Variants in VGLL4 observed in about 807,000 individuals in gnomAD.
VGLL4 encodes transcription cofactor vestigial-like protein 4.
A neutral mutation model predicts 21.0 loss-of-function variants in VGLL4; 7 were observed. That is an observed-to-expected ratio of 0.33 (90% CI 0.19 to 0.63). The LOEUF is 0.63. Ranked by LOEUF, VGLL4 falls within the 20% of genes least tolerant of loss-of-function variation. The probability of loss-of-function intolerance (pLI) is 0.78; values close to 1 mark genes in which losing one functional copy is unlikely to be tolerated. For missense variants in VGLL4, 394 were observed against 425.7 expected, an observed-to-expected ratio of 0.93 and a Z score of 0.66; for synonymous variants, 222 against 173.2, an observed-to-expected ratio of 1.28 and a Z score of -2.21.
intron 2 of VGLL4, among the ~76,000 whole-genome samples, chr3:11,673,064 AC>A (rs2076240144): frequency 1.3e-5 from 2 of 152,134 alleles, no homozygotes; most frequent in African/African-American, 4.8e-5. Flanking sequence ...AGATCACCCA[AC>A]ATTGGGGCTC....
At position 11,653,912 on chromosome 3, in the gene VGLL4, C is replaced by T. The variant is rs527556049; in HGVS notation, c.64+49059G>A. 2.9e-3 allele frequency among the ~76,000 whole-genome samples: 446 copies of T among 151,928 alleles called. 2 individuals are homozygous for T. Among genetic ancestry groups the T allele is most frequent in the African/African-American group, 0.01 (426 of 41,398 alleles). On this transcript the variant is annotated intron_variant, in intron 2 of 5. Transcript: ENST00000273038. This position sits in a 1 kb window ranked among gnomAD's most constrained non-coding sequence, Gnocchi z 4.2. ...AGCAGGCAGAGGGATAGAATTCACC[C>T]GAGACAACACAGAGGGAAGGGCCCC...
intron 2 of VGLL4, among the ~76,000 whole-genome samples, chr3:11,589,718 T>A (rs1451713313): frequency 6.6e-6 from 1 of 152,224 alleles, no homozygotes; most frequent in African/African-American, 2.4e-5. Context: ...GACGCCAGCA[T>A]GGTTGGTGAC....
At chr3:11,566,125 C>G (rs1279951978) in intron 2 of VGLL4, among the ~76,000 whole-genome samples, 1 of 152,242 alleles carries the variant, frequency 6.6e-6, no homozygotes, top group African/African-American at 2.4e-5. Context: ...CAGCCCCCGT[C>G]CCGGACTGGC....
intron 1 of VGLL4, among the ~76,000 whole-genome samples, chr3:11,642,593 G>GCAGA (rs1213959584): frequency 6.6e-6 from 1 of 152,238 alleles, no homozygotes; most frequent in Non-Finnish European, 1.5e-5. Flanking sequence ...GCCCTCGGCG[G>GCAGA]CAGACCCAGG....
intron 2 of VGLL4, among the ~76,000 whole-genome samples, chr3:11,661,133 A>G (rs564753227): frequency 8.5e-5 from 13 of 152,298 alleles, no homozygotes; most frequent in African/African-American, 3.1e-4. Context: ...AAATGCCCTC[A>G]GGATGGAGGG....
chr3:11,592,872 A>C (rs1276406641), intron 2 of VGLL4, among the ~76,000 whole-genome samples: 2 of 152,198 alleles, frequency 1.3e-5, no homozygotes, highest in Non-Finnish European at 2.9e-5. Context: ...CACGCAGCAC[A>C]GTGCCAGCGC....
rs1261149607 is a variant in VGLL4, at chr3:11,558,403, A to G, written c.*153T>C. 6 of 1,285,682 alleles carry G rather than the reference A, an allele frequency of 4.7e-6. No homozygotes were observed. Among genetic ancestry groups the G allele is most frequent in the East Asian group, 2.5e-5 (1 of 39,386 alleles). The allele number at this position is 1,285,682 out of a possible 1,614,324, so 79.6% of individuals were successfully genotyped here. On this transcript the variant is annotated 3_prime_UTR_variant, in exon 5 of 5. Coordinates refer to ENST00000430365, the MANE Select transcript of VGLL4 (RefSeq NM_001128219.3). Reference sequence around the variant, plus strand: ...ACGGATACCAAGCAAGTACAAAAACAGAACACAAATCCCAACAACATGGTT... The same window carrying G: ...ACGGATACCAAGCAAGTACAAAAACGGAACACAAATCCCAACAACATGGTT...
At chr3:11,587,825 A>C (rs941694551) in intron 2 of VGLL4, among the ~76,000 whole-genome samples, 4 of 149,604 alleles carry the variant, frequency 2.7e-5, no homozygotes, top group African/African-American at 1.0e-4. Context: ...AGTGAAAAAA[A>C]TCATTTCATC....
At chr3:11,668,997 G>A (rs17035071) in intron 2 of VGLL4, among the ~76,000 whole-genome samples, 37,995 of 152,036 alleles carry the variant, frequency 0.25, 5,087 homozygotes, top group South Asian at 0.34. Context: ...GCTTCTGCTC[G>A]TCCTCTAACA....
At chr3:11,609,556 A>G (rs1260464981) in intron 1 of VGLL4, among the ~76,000 whole-genome samples, 1 of 152,244 alleles carries the variant, frequency 6.6e-6, no homozygotes, top group Non-Finnish European at 1.5e-5. Context: ...CCAAATGCAG[A>G]TTCGATTTTC....
At chr3:11,708,728 C>T (rs2076796647) in intron 1 of VGLL4, among the ~76,000 whole-genome samples, 1 of 152,124 alleles carries the variant, frequency 6.6e-6, no homozygotes, top group Non-Finnish European at 1.5e-5. Context: ...TGTCTTATTT[C>T]TGTGGTAGTT....
At chr3:11,608,973 T>C (rs927042643) in intron 1 of VGLL4, among the ~76,000 whole-genome samples, 2 of 152,176 alleles carry the variant, frequency 1.3e-5, no homozygotes, top group African/African-American at 4.8e-5. Flanking sequence ...GTGATTCTCC[T>C]GCGTCAGCCT....
rs1559851222 is a variant in VGLL4, at chr3:11,559,335, T to G, written c.616A>C (p.Ser206Arg). The change falls in exon 4 of 5, where the codon AGC becomes CGC. Residue 206 changes from serine (S) to arginine (R), a missense_variant. Transcript: ENST00000430365. ...TGAGGAGGCCCGGGACACTCACCGC[T>G]CGGTGGCCTCCGGTAGCTGGCAGGC... ...PGPASYRRPP[S>R]AATTCDPVVE... 1 of 1,541,068 alleles carries G rather than the reference T, an allele frequency of 6.5e-7. No individual in the cohort carries two copies.
chr3:11,564,747 G>C (rs915533471), intron 3 of VGLL4, 50 bp downstream of exon 3: 2 of 1,508,774 alleles, frequency 1.3e-6, no homozygotes, highest in Non-Finnish European at 1.8e-6. Context: ...ATCCAGCCCA[G>C]TCCCCCAGCC....
intron 2 of VGLL4, among the ~76,000 whole-genome samples, chr3:11,701,610 A>G (rs1449435624): frequency 6.6e-6 from 1 of 152,204 alleles, no homozygotes; most frequent in African/African-American, 2.4e-5. Context: ...GTTAATCCTC[A>G]TCAACACTTT....
At chr3:11,582,269 G>A in intron 2 of VGLL4, 1 of 1,605,752 alleles carries the variant, frequency 6.2e-7, no homozygotes, top group Non-Finnish European at 8.5e-7. Flanking sequence ...TAAAATGAAA[G>A]GGTTCTTGGT....
At chr3:11,703,018 T>A in exon 2 of VGLL4, 1 of 1,612,856 alleles carries the variant, frequency 6.2e-7, no homozygotes, top group Admixed American at 1.7e-5. Context: ...GGACAAAACA[T>A]CCAATGGCGT....
chr3:11,632,244 C>A (rs557208119), intron 1 of VGLL4, among the ~76,000 whole-genome samples: 2 of 152,090 alleles, frequency 1.3e-5, no homozygotes, highest in East Asian at 3.9e-4. Flanking sequence ...ACCCAGGAGG[C>A]AGAGGTTGCA....
rs2125094833 is a variant in VGLL4, at chr3:11,558,541, G to A, written c.*15C>T. The A allele has an allele frequency of 1.9e-6, 3 of 1,595,242 alleles. No individual in the cohort carries two copies. The highest frequency in any genetic ancestry group is 1.7e-6 in the Non-Finnish European group (2 of 1,176,698). ...AACCATGCAGATCCACGTGTTGTTG[G>A]AGGAGGCGCTCCCTTCAGGAGACCA... On this transcript the variant is annotated 3_prime_UTR_variant, in exon 5 of 5. Coordinates refer to ENST00000430365, the MANE Select transcript of VGLL4 (RefSeq NM_001128219.3).
Sources: allele counts gnomAD v4.1 joint callset (sites outside exome capture counted in the v4.1 genomes callset), GRCh38; gene constraint gnomAD v4.1.1; non-coding constraint Gnocchi (gnomAD v3.1); transcripts MANE v1.5; gene names NCBI Gene and HGNC (gene_info 2026-07-23, HGNC 2026-07-21).